DNHD1: variants seen among roughly 807,000 people sequenced by gnomAD.
DNHD1 encodes the protein dynein heavy chain domain-containing protein 1.
A neutral mutation model predicts 458.1 loss-of-function variants in DNHD1; 383 were observed. The ratio of observed to expected loss-of-function variants is 0.84; its 90% CI spans 0.77 to 0.91. DNHD1 has a LOEUF of 0.91. Ranked by LOEUF, DNHD1 falls within the 40% of genes least tolerant of loss-of-function variation. The pLI is 0.00. For synonymous variants in DNHD1, 2,203 were observed against 2,376.9 expected (o/e 0.93, Z 2.13); for missense variants, 5,336 against 5,866.1 (o/e 0.91, Z 2.95).
chr11:6,522,952 TAAACA>T lies in DNHD1; in HGVS notation c.1837+2665_1837+2669del, dbSNP rs1449659309. On this transcript the variant is annotated intron_variant, in intron 10 of 42. Transcript: ENST00000254579. ...TATTTTCCAGAGAACATTTTACAAC[TAAACA>T]AGAGAGTATTACTGTTACTATTTGA... Among the ~76,000 whole-genome samples, 4 of 152,348 alleles carry T rather than the reference TAAACA, an allele frequency of 2.6e-5. No individual in the cohort carries two copies. The South Asian group carries it at 6.2e-4, about 24-fold the overall frequency.
At chr11:6,553,403 A>C (rs1853401956) in intron 24 of DNHD1, among the ~76,000 whole-genome samples, 1 of 152,248 alleles carries the variant, frequency 6.6e-6, no homozygotes, top group African/African-American at 2.4e-5. Flanking sequence ...TTAATGGTTA[A>C]ATATTGAATA....
Position 6,564,812 on chromosome 11 carries a change from G to A in DNHD1, c.10756+8G>A. Reference sequence around the variant, plus strand: ...CCCTCACTGAGGGTAGAGGTAAGCAGGCATAATAAATGCAATGCTTCCGGA... The same window carrying A: ...CCCTCACTGAGGGTAGAGGTAAGCAAGCATAATAAATGCAATGCTTCCGGA... On this transcript the variant is annotated splice_region_variant and intron_variant, in intron 32 of 42. Transcript: ENST00000254579. 2.7e-6 allele frequency: 4 copies of A among 1,498,644 alleles called. No individual in the cohort carries two copies. The highest frequency in any genetic ancestry group is 3.6e-6 in the Non-Finnish European group (4 of 1,116,810). 92.8% of individuals were successfully genotyped at this position (1,498,644 alleles called of 1,614,324 possible). A position where few individuals can be genotyped will look rare whatever the true frequency, so the allele number is the denominator to read the frequency against.
intron 10 of DNHD1, chr11:6,520,644 CT>C (rs1424116497): frequency 2.0e-5 from 22 of 1,110,580 alleles, no homozygotes; most frequent in South Asian, 9.3e-5. Flanking sequence ...TAAATTTGTA[CT>C]TGTTTGAAGA....
At chr11:6,549,136 T>G in intron 24 of DNHD1, 1 of 620,366 alleles carries the variant, frequency 1.6e-6, no homozygotes, top group Non-Finnish European at 2.8e-6. Flanking sequence ...TAAATCTCTG[T>G]GTCCAATCTC....
chr11:6,546,496 AC>A lies in DNHD1; in HGVS notation c.5560del (p.Arg1854AlafsTer8). On this transcript the variant is annotated frameshift_variant, in exon 21 of 43. Transcript: ENST00000254579. ...GATGAGGGATGCCTTCCAGATGGCT[AC>A]CCGCCTATCCAAATTCTTCTCTCTA... The part of the protein sequence containing the change: ...AGMRDAFQMA[T>X]RLSKFFSLER... 6.5e-7 allele frequency: 1 copy of A among 1,550,102 alleles called. No homozygotes were observed.
rs1222552932 is a variant in DNHD1, at chr11:6,498,495, T to C, written c.280T>C (p.Tyr94His). ...TGCAGTACTGGGTCTACTGCCTCCA[T>C]ATCGTGAGTTGCTAGTTGGCCACCT... ...LHAVLGLLPP[Y>H]RELLVGHLDL... The change falls in exon 3 of 43, where the codon TAT (tyrosine) becomes CAT (histidine). Residue 94 changes from tyrosine (Y) to histidine (H), a missense_variant. By Grantham distance (83) the Tyr-to-His change is moderately conservative. This residue lies in a region of DNHD1 where 3,932 missense variants were observed against 4,365.6 expected (regional missense o/e 0.90). Coordinates refer to ENST00000254579, the MANE Select transcript of DNHD1 (RefSeq NM_144666.3). 6.2e-7 allele frequency: 1 copy of C among 1,614,172 alleles called. No individual in the cohort carries two copies. The highest frequency in any genetic ancestry group is 1.1e-5 in the South Asian group (1 of 91,086).
At position 6,566,933 on chromosome 11, in the gene DNHD1, G is replaced by C. The variant is rs1853714922; in HGVS notation, c.11424G>C (p.Lys3808Asn). ...CGATGCTGCTGTTCCAGAATCCGAA[G>C]CGTCAGAAGCCAGCCAAGTTTCTGC... ...LLTMLLFQNP[K>N]RQKPAKFLRN... The change falls in exon 36 of 43, where the codon AAG becomes AAC. Residue 3808 changes from lysine (K) to asparagine (N), a missense_variant. Lys to Asn is a moderately conservative substitution (Grantham distance 94). Coordinates refer to ENST00000254579, the MANE Select transcript of DNHD1 (RefSeq NM_144666.3). 1 of 1,613,640 alleles carries C rather than the reference G, an allele frequency of 6.2e-7. No homozygotes were observed. Among genetic ancestry groups the C allele is most frequent in the Admixed American group, 1.7e-5 (1 of 59,972 alleles).
chr11:6,557,899 G>A lies in DNHD1; in HGVS notation c.8604G>A (p.Met2868Ile). 6.4e-7 allele frequency: 1 copy of A among 1,551,208 alleles called. No homozygotes were observed. Among genetic ancestry groups the A allele is most frequent in the Non-Finnish European group, 8.7e-7 (1 of 1,146,956 alleles). ...CCCACCTGGCCCGGTGTCATTCCAT[G>A]GCCCAGCACGTGGCCCGCCTGGTCC... ...LSPHLARCHS[M>I]AQHVARLVRV... The change falls in exon 25 of 43, where the codon ATG becomes ATA. Residue 2868 changes from methionine (M) to isoleucine (I), a missense_variant. Physicochemically the swap from Met to Ile is conservative, Grantham distance 10. Coordinates refer to ENST00000254579, the MANE Select transcript of DNHD1 (RefSeq NM_144666.3).
chr11:6,563,632 T>C (rs1853629141), intron 30 of DNHD1, 61 bp from the exon 31 acceptor site: 2 of 1,545,696 alleles, frequency 1.3e-6, no homozygotes, highest in Non-Finnish European at 1.7e-6. Context: ...AAGGCTAAAC[T>C]GTTGGGTCAA....
chr11:6,503,147 T>C lies in DNHD1; in HGVS notation c.920+221T>C, dbSNP rs1461446174. On this transcript the variant is annotated intron_variant, in intron 4 of 42. Coordinates refer to ENST00000254579, the MANE Select transcript of DNHD1 (RefSeq NM_144666.3). ...TCCCTGTTGCTTACACAGCCTTTTG[T>C]CTTACACATCCTTTTCTCACATTTT... is the stretch of plus-strand genomic sequence containing the variant. The C allele has an allele frequency of 6.0e-6, 3 of 501,954 alleles. No individual in the cohort carries two copies. The Admixed American group carries it at 1.2e-4, about 20-fold the overall frequency. 31.1% of individuals were successfully genotyped at this position (501,954 alleles called of 1,614,324 possible). A position where few individuals can be genotyped will look rare whatever the true frequency, so the allele number is the denominator to read the frequency against.
At position 6,546,390 on chromosome 11, in the gene DNHD1, C is replaced by T. The variant is rs1853218328; in HGVS notation, c.5451C>T (p.Asn1817=). Residue 1817 remains asparagine, a synonymous_variant, in exon 21 of 43, where the codon AAC becomes AAT. Coordinates refer to ENST00000254579, the MANE Select transcript of DNHD1 (RefSeq NM_144666.3). ...CCCTGAGCTCTGCTGTGCCTGCCAA[C>T]CTGCACCTGCTGCTGCGGCCTGTGG... ...LRALSSAVPA[N]LHLLLRPVAL... 2 of 1,552,100 alleles carry T rather than the reference C, an allele frequency of 1.3e-6. No homozygotes were observed. Among genetic ancestry groups the T allele is most frequent in the African/African-American group, 1.4e-5 (1 of 73,174 alleles).
chr11:6,542,518 C>T lies in DNHD1; in HGVS notation c.3629-1603C>T, dbSNP rs561094031. The stretch of plus-strand genomic sequence containing the variant: ...TCTCTCTCTAAGCTAGCATTTGCAC[C>T]AAGCACTTGTGTGGTTGAGGTTTCT... On this transcript the variant is annotated intron_variant, in intron 18 of 42. Transcript: ENST00000254579. 3.9e-5 allele frequency among the ~76,000 whole-genome samples: 6 copies of T among 152,272 alleles called. 1 individual carries two copies. In the South Asian group the frequency reaches 1.2e-3, roughly 32 times the overall value.
In DNHD1 at chr11:6,557,383, TGAG is replaced by T. The variant is rs550093250; in HGVS notation, c.8107_8109del (p.Glu2703del). The T allele has an allele frequency of 1.1e-3, 1,333 of 1,266,110 alleles. No homozygotes were observed. The highest frequency in any genetic ancestry group is 2.5e-3 in the South Asian group (127 of 50,792). 78.4% of individuals were successfully genotyped at this position (1,266,110 alleles called of 1,614,324 possible). A position where few individuals can be genotyped will look rare whatever the true frequency, so the allele number is the denominator to read the frequency against. ...ACCTGGGCAAGGACCATCAGGAGAG[TGAG>T]GAGGAGGAGGAGGAGGAGAGGGTGC... On this transcript the variant is annotated inframe_deletion, in exon 25 of 43. Transcript: ENST00000254579.
intron 10 of DNHD1, among the ~76,000 whole-genome samples, chr11:6,523,629 T>C (rs997085236): frequency 6.6e-6 from 1 of 152,196 alleles, no homozygotes; most frequent in African/African-American, 2.4e-5. Context: ...AAATTTTCAA[T>C]TGAAGCCCCA....
In DNHD1 at chr11:6,571,280, C is replaced by A. The variant is rs766895272; in HGVS notation, c.13768C>A (p.Arg4590Ser). 8 of 1,612,250 alleles carry A rather than the reference C, an allele frequency of 5.0e-6. No homozygotes were observed. In the African/African-American group the frequency reaches 1.1e-4, roughly 22 times the overall value. Residue 4590 changes from arginine to serine, a missense_variant, in exon 42 of 43, where the codon CGC becomes AGC. Transcript: ENST00000254579. The surrounding 1 kb of genome is among the most constrained non-coding windows in gnomAD (Gnocchi z 5.0). ...VFHLSAFRHP[R>S]RLLLALRGEA... is the part of the protein sequence containing the mutation. ...CCACCTGTCAGCCTTTCGCCACCCG[C>A]GCCGCCTGCTGCTGGCATTGCGTGG...
Position 6,558,078 on chromosome 11 carries a change from G to A in DNHD1, c.8783G>A (p.Arg2928Gln), listed in dbSNP as rs923743699. Reference sequence around the variant, plus strand: ...GAGGAGGCCATTCTCCAATGTCTACGAGATGCCAGCTGGCATGCTGGCATG... The same window carrying A: ...GAGGAGGCCATTCTCCAATGTCTACAAGATGCCAGCTGGCATGCTGGCATG... ...GSEEAILQCL[R>Q]DASWHAGMLS... The change falls in exon 25 of 43, where the codon CGA (arginine) becomes CAA (glutamine). Residue 2928 changes from arginine (R) to glutamine (Q), a missense_variant. Physicochemically the swap from Arg to Gln is conservative, Grantham distance 43. This residue lies in a region of DNHD1 where 3,932 missense variants were observed against 4,365.6 expected (regional missense o/e 0.90). Coordinates refer to ENST00000254579, the MANE Select transcript of DNHD1 (RefSeq NM_144666.3). The A allele has an allele frequency of 7.1e-6, 11 of 1,551,562 alleles. No homozygotes were observed. The East Asian group carries it at 7.3e-5, about 10-fold the overall frequency.
Position 6,559,276 on chromosome 11 carries a change from C to T in DNHD1, c.9512C>T (p.Ser3171Phe), listed in dbSNP as rs1356959495. 8 of 1,551,322 alleles carry T rather than the reference C, an allele frequency of 5.2e-6. No homozygotes were observed. Among genetic ancestry groups the T allele is most frequent in the Non-Finnish European group, 7.0e-6 (8 of 1,146,848 alleles). ...GACTTGGAACAGCAGCTGAAAGACT[C>T]CGGCAAGGTAAGGAGATGATTTTGA... Reference protein sequence around the residue: ...IFDLEQQLKDSGKSLSMFQQQ... With the variant: ...IFDLEQQLKDFGKSLSMFQQQ... The change falls in exon 28 of 43, where the codon TCC becomes TTC. Residue 3171 changes from serine (S) to phenylalanine (F), a missense_variant. By Grantham distance (155) the Ser-to-Phe change is radical. This residue lies in a region of DNHD1 where 3,932 missense variants were observed against 4,365.6 expected (regional missense o/e 0.90). Transcript: ENST00000254579.
chr11:6,520,510 A>G lies in DNHD1; in HGVS notation c.1837+221A>G, dbSNP rs377290710. The G allele has an allele frequency of 4.3e-5, 60 of 1,403,714 alleles. No homozygotes were observed. The East Asian group carries it at 5.4e-4, about 13-fold the overall frequency. 87.0% of individuals were successfully genotyped at this position (1,403,714 alleles called of 1,614,324 possible). A position where few individuals can be genotyped will look rare whatever the true frequency, so the allele number is the denominator to read the frequency against. The stretch of plus-strand genomic sequence containing the variant: ...ACGTGGTTATGTGTATGTGCGTGCA[A>G]TGAGAGGGTGTATGAAAGAGTGTGA... On this transcript the variant is annotated intron_variant, in intron 10 of 42. Transcript: ENST00000254579.
chr11:6,567,426 G>C lies in DNHD1; in HGVS notation c.11917G>C (p.Val3973Leu). The change falls in exon 36 of 43, where the codon GTC becomes CTC. Residue 3973 changes from valine to leucine, a missense_variant. Around this residue, in one of 4 missense-constraint regions of DNHD1, gnomAD observed 695 missense variants for 804.2 expected, o/e 0.86. Coordinates refer to ENST00000254579, the MANE Select transcript of DNHD1 (RefSeq NM_144666.3). ...ASPSTVHSKP[V>L]SDVARPAWLG... ...TCCCAGCACAGTCCACAGCAAGCCA[G>C]TCTCAGATGTGGCTCGACCGGCCTG... 4 of 1,613,596 alleles carry C rather than the reference G, an allele frequency of 2.5e-6. No individual in the cohort carries two copies. The highest frequency in any genetic ancestry group is 3.4e-6 in the Non-Finnish European group (4 of 1,179,664).
Sources: allele counts gnomAD v4.1 joint callset (sites outside exome capture counted in the v4.1 genomes callset), GRCh38; gene constraint gnomAD v4.1.1; regional missense constraint gnomAD v4.1.1; non-coding constraint Gnocchi (gnomAD v3.1); transcripts MANE v1.5; gene names NCBI Gene and HGNC (gene_info 2026-07-23, HGNC 2026-07-21).